Variants in BORCS5 observed in about 807,000 individuals in gnomAD.
The protein encoded by BORCS5 is BLOC-1-related complex subunit 5.
Under a neutral mutation model 22.1 loss-of-function variants are expected in BORCS5, and 17 were observed. That is an observed-to-expected ratio of 0.77 (90% confidence interval 0.53 to 1.15). The LOEUF (loss-of-function observed/expected upper bound fraction) is 1.15. BORCS5 is among the 50% of genes most tolerant of loss of function. The pLI is 0.00. For synonymous variants in BORCS5, 117 were observed against 99.8 expected (o/e 1.17, Z -1.03); for missense variants, 247 against 253.2 (o/e 0.98, Z 0.17).
chr12:12,440,876 G>A (rs1018257559), intron 3 of BORCS5, among the ~76,000 whole-genome samples: 1 of 152,144 alleles, frequency 6.6e-6, no homozygotes, highest in Non-Finnish European at 1.5e-5. Context: ...TAAGCACTTC[G>A]CCCAGGTCAC....
chr12:12,361,619 G>A (rs1394903692), intron 2 of BORCS5, among the ~76,000 whole-genome samples: 1 of 152,178 alleles, frequency 6.6e-6, no homozygotes, highest in Admixed American at 6.5e-5. Context: ...TGAGCTCCAT[G>A]ATGGCAGGTA....
rs1943199889 is a variant in BORCS5 at position 12,466,192 on chromosome 12, GC to G, written c.*417del. 6.2e-6 allele frequency: 1 copy of G among 162,182 alleles called. No homozygotes were observed. The highest frequency in any genetic ancestry group is 6.3e-5 in the Admixed American group (1 of 15,982). 10.0% of individuals were successfully genotyped at this position (162,182 alleles called of 1,614,324 possible). On this transcript the variant is annotated 3_prime_UTR_variant, in exon 4 of 4. Transcript: ENST00000314565. ...AACGCCCTCATGAACTTTTCAGTAG[GC>G]TGTCTGGTTTATGTGTGGTCAACTT...
chr12:12,402,973 T>C (rs1052608627), intron 2 of BORCS5, among the ~76,000 whole-genome samples: 1 of 152,206 alleles, frequency 6.6e-6, no homozygotes, highest in Non-Finnish European at 1.5e-5. Flanking sequence ...AGTGTTTAGG[T>C]ACTACTCATT....
chr12:12,365,256 A>ACCT (rs1565827835), intron 2 of BORCS5, among the ~76,000 whole-genome samples: 1 of 151,686 alleles, frequency 6.6e-6, no homozygotes, highest in African/African-American at 2.4e-5. Flanking sequence ...TCCAGCCTCC[A>ACCT]CCTCCTGGGC....
At chr12:12,372,619 G>A (rs927204419) in intron 2 of BORCS5, among the ~76,000 whole-genome samples, 2 of 151,970 alleles carry the variant, frequency 1.3e-5, no homozygotes, top group Non-Finnish European at 2.9e-5. Flanking sequence ...TTTAAATACC[G>A]TTGGGGCTCA....
chr12:12,367,374 T>C (rs1269837833), intron 2 of BORCS5, among the ~76,000 whole-genome samples: 1 of 152,212 alleles, frequency 6.6e-6, no homozygotes, highest in African/African-American at 2.4e-5. Context: ...GAATGGATCT[T>C]AATCAGAGCC....
rs17312055 is a variant in BORCS5 at position 12,468,633 on chromosome 12, T to G, written c.*2857T>G. The G allele has an allele frequency of 0.069, 10,524 of 152,340 alleles. 445 individuals carry two copies. Among genetic ancestry groups the G allele is most frequent in the Middle Eastern group, 0.095 (28 of 294 alleles). 9.4% of individuals were successfully genotyped at this position (152,340 alleles called of 1,614,324 possible). ...TGTCTCTGAGCAGTGGCCCTGGGTC[T>G]TGGTAGTGACTAAATTCCGAGCTCC... On this transcript the variant is annotated 3_prime_UTR_variant, in exon 4 of 4. Coordinates refer to ENST00000314565, the MANE Select transcript of BORCS5 (RefSeq NM_058169.6).
chr12:12,419,598 T>G (rs890419207), intron 2 of BORCS5, among the ~76,000 whole-genome samples: 3 of 152,236 alleles, frequency 2.0e-5, no homozygotes, highest in Non-Finnish European at 4.4e-5. Context: ...TTTCTAGTTC[T>G]AGATCCTTGA....
At chr12:12,409,439 C>T (rs1227255749) in intron 2 of BORCS5, among the ~76,000 whole-genome samples, 1 of 151,646 alleles carries the variant, frequency 6.6e-6, no homozygotes, top group Non-Finnish European at 1.5e-5. Context: ...CACATGGACA[C>T]TTATTGTTCA....
intron 3 of BORCS5, among the ~76,000 whole-genome samples, chr12:12,448,494 C>T (rs577315161): frequency 2.4e-4 from 36 of 150,622 alleles, no homozygotes; most frequent in African/African-American, 4.9e-5. Flanking sequence ...GGATTACAGG[C>T]GTGAGTCACC....
Position 12,447,612 on chromosome 12 carries a change from GTTCT to G in BORCS5, c.360+11833_360+11836del, listed in dbSNP as rs565461294. ...TCATTGTCCCATGTGCGGTATCTTGGTTCTTTCTTCAGGCACGGGGTGGAGGATT... is the reference window on the plus strand; with the variant it reads ...TCATTGTCCCATGTGCGGTATCTTGGTTCTTCAGGCACGGGGTGGAGGATT... On this transcript the variant is annotated intron_variant, in intron 3 of 3. Transcript: ENST00000314565. Among the ~76,000 whole-genome samples, 50 of 152,258 alleles carry G rather than the reference GTTCT, an allele frequency of 3.3e-4. No homozygotes were observed. In the East Asian group the frequency reaches 7.5e-3, roughly 23 times the overall value.
At chr12:12,415,580 G>GAGGGGGAGGGGGAGGGA (rs1941923589) in intron 2 of BORCS5, among the ~76,000 whole-genome samples, 1 of 113,744 alleles carries the variant, frequency 8.8e-6, no homozygotes, top group Non-Finnish European at 1.9e-5. Context: ...AGGGGGAGGG[G>GAGGGGGAGGGGGAGGGA]CGATTTTGTG....
chr12:12,461,840 C>T (rs980726810), intron 3 of BORCS5, among the ~76,000 whole-genome samples: 14 of 152,124 alleles, frequency 9.2e-5, no homozygotes, highest in Non-Finnish European at 1.2e-4. Context: ...TCATGTGTCA[C>T]GGCAAGGCGA....
intron 2 of BORCS5, among the ~76,000 whole-genome samples, chr12:12,375,068 A>G (rs753290398): frequency 6.6e-6 from 1 of 150,498 alleles, no homozygotes; most frequent in Non-Finnish European, 1.5e-5. Context: ...CTGGAGTGCA[A>G]TGGCGCCATC....
chr12:12,374,580 G>A (rs546056495), intron 2 of BORCS5, among the ~76,000 whole-genome samples: 1 of 152,084 alleles, frequency 6.6e-6, no homozygotes, highest in Admixed American at 6.5e-5. Flanking sequence ...GTCGAGCGGT[G>A]TTCATAGCGC....
intron 2 of BORCS5, among the ~76,000 whole-genome samples, chr12:12,369,439 C>T (rs1357913826): frequency 6.6e-6 from 1 of 151,910 alleles, no homozygotes; most frequent in Non-Finnish European, 1.5e-5. Flanking sequence ...CCATTTTGCT[C>T]TTCATTTTCT....
chr12:12,385,349 C>G (rs920620082), intron 2 of BORCS5, among the ~76,000 whole-genome samples: 1 of 151,366 alleles, frequency 6.6e-6, no homozygotes, highest in African/African-American at 2.4e-5. Context: ...TGGATGCTAC[C>G]TATTGTTCCA....
intron 2 of BORCS5, among the ~76,000 whole-genome samples, chr12:12,373,348 C>T (rs1050489184): frequency 2.3e-4 from 35 of 152,152 alleles, no homozygotes; most frequent in African/African-American, 7.7e-4. Context: ...CAGCCTGTAC[C>T]GACCAAGACA....
At chr12:12,401,871 A>G (rs890386788) in intron 2 of BORCS5, among the ~76,000 whole-genome samples, 3 of 151,956 alleles carry the variant, frequency 2.0e-5, no homozygotes, top group Non-Finnish European at 2.9e-5. Flanking sequence ...ATCCTGGTTA[A>G]CATGGTGAAA....
Sources: allele counts gnomAD v4.1 joint callset (sites outside exome capture counted in the v4.1 genomes callset), GRCh38; gene constraint gnomAD v4.1.1; transcripts MANE v1.5; gene names NCBI Gene and HGNC (gene_info 2026-07-23, HGNC 2026-07-21).